FLNB: variants seen among roughly 807,000 people sequenced by gnomAD.
FLNB encodes the protein filamin-B.
FLNB carries 111 observed loss-of-function variants against 250.6 expected under a neutral mutation model. The ratio of observed to expected loss-of-function variants is 0.44; its 90% CI spans 0.38 to 0.52. The LOEUF (loss-of-function observed/expected upper bound fraction) is 0.52. FLNB is among the 20% of genes least tolerant of loss of function. The pLI is 0.00. For synonymous variants in FLNB, 1,302 were observed against 1,372.1 expected (o/e 0.95, Z 1.13); for missense variants, 2,869 against 3,447.8 (o/e 0.83, Z 4.20).
chr3:58,162,327 C>T (rs1025948054), intron 42 of FLNB, among the ~76,000 whole-genome samples: 7 of 152,086 alleles, frequency 4.6e-5, no homozygotes, highest in African/African-American at 1.7e-4. Flanking sequence ...AAGGAGGAAG[C>T]GGCAGTCAGG....
At chr3:58,140,381 C>T (rs1446819198) in intron 29 of FLNB, among the ~76,000 whole-genome samples, 2 of 152,192 alleles carry the variant, frequency 1.3e-5, no homozygotes, top group African/African-American at 2.4e-5. Context: ...TGATATGTCC[C>T]TGCATAGCTC....
intron 1 of FLNB, among the ~76,000 whole-genome samples, chr3:58,037,048 A>ACATTAGAG (rs1239232373): frequency 2.0e-5 from 3 of 147,526 alleles, no homozygotes; most frequent in Non-Finnish European, 4.5e-5. Flanking sequence ...CCCAGACTTG[A>ACATTAGAG]CATTAGAGTC....
intron 24 of FLNB, 125 bp from the exon 25 acceptor site, chr3:58,130,616 G>A: frequency 2.4e-6 from 2 of 847,502 alleles, no homozygotes; most frequent in Non-Finnish European, 3.9e-6. Flanking sequence ...ACACAGTGAG[G>A]CAGGGGGAGC....
intron 4 of FLNB, among the ~76,000 whole-genome samples, chr3:58,084,083 T>C (rs935160972): frequency 6.6e-5 from 10 of 151,532 alleles, no homozygotes; most frequent in African/African-American, 2.4e-4. Flanking sequence ...TCCCAGCTAC[T>C]CGGGAGGCTG....
At chr3:58,042,191 T>C (rs2106803827) in intron 1 of FLNB, among the ~76,000 whole-genome samples, 1 of 152,292 alleles carries the variant, frequency 6.6e-6, no homozygotes, top group Non-Finnish European at 1.5e-5. Flanking sequence ...GTTTTTCTAA[T>C]TGGCCTGGAA....
chr3:58,171,172 A>C lies in FLNB; in HGVS notation c.*410A>C, dbSNP rs2097381900. On this transcript the variant is annotated 3_prime_UTR_variant, in exon 46 of 46. Transcript: ENST00000295956. This position sits in a 1 kb window ranked among gnomAD's most constrained non-coding sequence, Gnocchi z 5.5. ...ATGGGCAGAGAAAAAGGGGACACCT[A>C]GTTTGGTTGTCATTTGGCAAAGGAG... 4.3e-6 allele frequency: 1 copy of C among 231,020 alleles called. No individual in the cohort carries two copies. Among genetic ancestry groups the C allele is most frequent in the Admixed American group, 5.2e-5 (1 of 19,230 alleles). The allele number at this position is 231,020 out of a possible 1,614,324, so 14.3% of individuals were successfully genotyped here.
chr3:58,125,911 C>T (rs2097297002), intron 23 of FLNB, among the ~76,000 whole-genome samples, 168 bp downstream of exon 23: 1 of 152,204 alleles, frequency 6.6e-6, no homozygotes, highest in Admixed American at 6.5e-5. Context: ...ACCTAAAAAA[C>T]ATACCAAAGC....
At chr3:58,011,035 C>T (rs1004749015) in intron 1 of FLNB, among the ~76,000 whole-genome samples, 6 of 152,196 alleles carry the variant, frequency 3.9e-5, no homozygotes, top group African/African-American at 1.4e-4. Context: ...CTGCCTCAGC[C>T]TCCTGAGTAG....
At chr3:58,082,122 T>C (rs753377545) in intron 4 of FLNB, among the ~76,000 whole-genome samples, 8 of 152,158 alleles carry the variant, frequency 5.3e-5, no homozygotes, top group Admixed American at 4.6e-4. Context: ...GGGTGGGCCA[T>C]CTGGCTGCTG....
intron 1 of FLNB, among the ~76,000 whole-genome samples, chr3:58,023,906 C>T (rs1403262973): frequency 6.6e-6 from 1 of 152,142 alleles, no homozygotes; most frequent in Admixed American, 6.6e-5. Context: ...TCATAGGCAG[C>T]CCAGCATAGA....
Position 58,081,768 on chromosome 3 carries a change from A to G in FLNB, c.779A>G (p.Tyr260Cys), listed in dbSNP as rs752945898. The G allele has an allele frequency of 3.1e-6, 5 of 1,614,154 alleles. No homozygotes were observed. The highest frequency in any genetic ancestry group is 2.2e-5 in the South Asian group (2 of 91,080). Residue 260 changes from tyrosine (Y) to cysteine (C), a missense_variant, in exon 4 of 46, where the codon TAT becomes TGT. Tyr to Cys is a radical substitution (Grantham distance 194). Transcript: ENST00000295956. ...CTCAACCCGAAGAAAGCCAGGGCCT[A>G]TGGCAGAGGTGAGTGCTGGTCCTCT... ...PKLNPKKARA[Y>C]GRGIEPTGNM...
chr3:58,080,997 T>A (rs1331121939), intron 3 of FLNB, among the ~76,000 whole-genome samples: 2 of 152,102 alleles, frequency 1.3e-5, no homozygotes, highest in Non-Finnish European at 2.9e-5. Flanking sequence ...TTTTACCATG[T>A]TGGCCAGGCT....
Position 58,156,102 on chromosome 3 carries a change from C to T in FLNB, c.6888+27C>T, listed in dbSNP as rs570726852. On this transcript the variant is annotated intron_variant, in intron 41 of 45. Coordinates refer to ENST00000295956, the MANE Select transcript of FLNB (RefSeq NM_001457.4). ...TGAGATGCAAGGAAGCATCCATCTC[C>T]TTGGCCGCAGGCCACCAGTGAGACC... 6 of 1,573,240 alleles carry T rather than the reference C, an allele frequency of 3.8e-6. No homozygotes were observed. The African/African-American group carries it at 4.0e-5, about 11-fold the overall frequency.
In FLNB at chr3:58,172,095, G is replaced by T. The variant is rs1229132186; in HGVS notation, c.*1333G>T. On this transcript the variant is annotated 3_prime_UTR_variant, in exon 46 of 46. Transcript: ENST00000295956. The stretch of plus-strand genomic sequence containing the variant: ...GGTGTAGTATCTGGGGCGAGTGTTG[G>T]GGGTAAAAGCCCACCCTACAGAAAG... 6.6e-6 allele frequency: 1 copy of T among 152,334 alleles called. No homozygotes were observed. The highest frequency in any genetic ancestry group is 2.4e-5 in the African/African-American group (1 of 41,372). 9.4% of individuals were successfully genotyped at this position (152,334 alleles called of 1,614,324 possible). A position where few individuals can be genotyped will look rare whatever the true frequency, so the allele number is the denominator to read the frequency against.
chr3:58,035,035 T>C (rs1395290766), intron 1 of FLNB, among the ~76,000 whole-genome samples: 2 of 152,184 alleles, frequency 1.3e-5, no homozygotes, highest in Non-Finnish European at 2.9e-5. Context: ...CTACCTGAAA[T>C]TGGGGACATT....
chr3:58,112,181 G>C lies in FLNB; in HGVS notation c.2608G>C (p.Val870Leu), dbSNP rs1308574602. ...VENGKPTHFT[V>L]YTKGAGKAPL... ...AAATGGGAAACCGACCCACTTCACT[G>C]TCTACACCAAGGGGGCTGGGAAAGC... Residue 870 changes from valine to leucine, a missense_variant, in exon 18 of 46, where the codon GTC becomes CTC. Val to Leu is a conservative substitution (Grantham distance 32). Around this residue, in one of 5 missense-constraint regions of FLNB, gnomAD observed 1,348 missense variants for 1,466.7 expected, o/e 0.92. Transcript: ENST00000295956. The C allele has an allele frequency of 1.2e-6, 2 of 1,614,016 alleles. No homozygotes were observed. The highest frequency in any genetic ancestry group is 1.7e-6 in the Non-Finnish European group (2 of 1,180,034).
At chr3:58,148,885 T>C (rs761083833) in intron 36 of FLNB, 33 bp downstream of exon 36, 1 of 1,588,414 alleles carries the variant, frequency 6.3e-7, no homozygotes, top group South Asian at 1.1e-5. Context: ...GGCCCAGAGC[T>C]TGTGGGAACC....
rs1255561163 is a variant in FLNB, at chr3:58,008,466, C to G, written c.-99C>G. ...CTCCGGTAGCAGCAAGTTCGAACCC[C>G]GCTCCCGCTCCGCTTCGGTTCTCGC... is the stretch of plus-strand genomic sequence containing the variant. On this transcript the variant is annotated 5_prime_UTR_variant, in exon 1 of 46. Transcript: ENST00000295956. 6.3e-6 allele frequency: 9 copies of G among 1,417,680 alleles called. No homozygotes were observed. The highest frequency in any genetic ancestry group is 8.7e-6 in the Non-Finnish European group (9 of 1,029,588). 87.8% of individuals were successfully genotyped at this position (1,417,680 alleles called of 1,614,324 possible).
At chr3:58,020,719 G>GAA (rs10716613) in intron 1 of FLNB, among the ~76,000 whole-genome samples, 7 of 125,204 alleles carry the variant, frequency 5.6e-5, no homozygotes, top group Non-Finnish European at 8.9e-5. Context: ...TTCCTTTCCA[G>GAA]AAAAAAAAAA....
Sources: allele counts gnomAD v4.1 joint callset (sites outside exome capture counted in the v4.1 genomes callset), GRCh38; gene constraint gnomAD v4.1.1; regional missense constraint gnomAD v4.1.1; non-coding constraint Gnocchi (gnomAD v3.1); transcripts MANE v1.5; gene names NCBI Gene and HGNC (gene_info 2026-07-23, HGNC 2026-07-21).